PLEKHA3: variants seen among roughly 807,000 people sequenced by gnomAD.
PLEKHA3 encodes the protein pleckstrin homology domain containing A3.
In PLEKHA3, 19 loss-of-function variants were observed where a neutral mutation model predicts 39.2. The observed-to-expected ratio is 0.48, with a 90% CI of 0.34 to 0.71. The LOEUF is 0.71. Among genes scored for constraint, PLEKHA3 ranks in the 30% least tolerant of loss-of-function variants. The probability of loss-of-function intolerance (pLI) is 0.01; values close to 1 mark genes in which losing one functional copy is unlikely to be tolerated. For missense variants in PLEKHA3, 253 were observed against 359.5 expected (o/e 0.70, Z 2.40); for synonymous variants, 97 against 118.6 (o/e 0.82, Z 1.18).
chr2:178,506,887 C>G lies in PLEKHA3; in HGVS notation c.*3000C>G, dbSNP rs538515606. 4.0e-5 allele frequency: 6 copies of G among 151,838 alleles called. No homozygotes were observed. Among genetic ancestry groups the G allele is most frequent in the Admixed American group, 6.6e-5 (1 of 15,250 alleles). The allele number at this position is 151,838 out of a possible 1,614,324, so 9.4% of individuals were successfully genotyped here. A position where few individuals can be genotyped will look rare whatever the true frequency, so the allele number is the denominator to read the frequency against. ...TAGCTGGTAGGTAGGCCTTCTTGTTCATGTCTTTCTGTCTCCCCAATCCAC... is the reference window on the plus strand; with the variant it reads ...TAGCTGGTAGGTAGGCCTTCTTGTTGATGTCTTTCTGTCTCCCCAATCCAC... On this transcript the variant is annotated 3_prime_UTR_variant, in exon 8 of 8. Transcript: ENST00000234453.
At position 178,506,529 on chromosome 2, in the gene PLEKHA3, C is replaced by G. The variant is rs1430654402; in HGVS notation, c.*2642C>G. ...TAGAGTATCTTCATTTCCACAGATG[C>G]CCTAGAACCTTTGACCTTGAATTGT... On this transcript the variant is annotated 3_prime_UTR_variant, in exon 8 of 8. Coordinates refer to ENST00000234453, the MANE Select transcript of PLEKHA3 (RefSeq NM_019091.4). 6.6e-6 allele frequency: 1 copy of G among 152,116 alleles called. No homozygotes were observed. The highest frequency in any genetic ancestry group is 1.5e-5 in the Non-Finnish European group (1 of 68,008). 9.4% of individuals were successfully genotyped at this position (152,116 alleles called of 1,614,324 possible). A position where few individuals can be genotyped will look rare whatever the true frequency, so the allele number is the denominator to read the frequency against.
chr2:178,489,575 T>C lies in PLEKHA3; in HGVS notation c.158-1084T>C, dbSNP rs776677059. Among the ~76,000 whole-genome samples the C allele has an allele frequency of 1.2e-3, 182 of 149,434 alleles. 1 individual carries two copies. Among genetic ancestry groups the C allele is most frequent in the Non-Finnish European group, 1.7e-3 (115 of 67,544 alleles). ...CTCCAGCGATCCTCTTGCCTCAGCC[T>C]TCCGCCTCCCAAGTTGCTGGGTCTA... On this transcript the variant is annotated intron_variant, in intron 2 of 7. Transcript: ENST00000234453.
intron 6 of PLEKHA3, among the ~76,000 whole-genome samples, chr2:178,500,198 A>G (rs564493709): frequency 2.6e-5 from 4 of 151,946 alleles, no homozygotes; most frequent in Non-Finnish European, 5.9e-5. Flanking sequence ...ATTGGCATTT[A>G]TTTCTCTATA....
intron 4 of PLEKHA3, among the ~76,000 whole-genome samples, chr2:178,494,906 C>CT (rs143346176): frequency 0.019 from 2,268 of 122,232 alleles, 24 homozygotes; most frequent in Middle Eastern, 0.047. Flanking sequence ...AACTTCTCAT[C>CT]TTTTTTTTTT....
chr2:178,502,798 ACACACACACGCACG>A (rs1175124069), intron 7 of PLEKHA3, among the ~76,000 whole-genome samples: 2 of 146,664 alleles, frequency 1.4e-5, no homozygotes, highest in African/African-American at 5.4e-5. Context: ...AGTCTCACAC[ACACACACACGCACG>A]CACACACACA....
In PLEKHA3 at chr2:178,509,526, TGAG is replaced by T. The variant is rs1685650982; in HGVS notation, c.*5640_*5642del. On this transcript the variant is annotated 3_prime_UTR_variant, in exon 8 of 8. Transcript: ENST00000234453. ...AGGGTCTCACTCTTTCACCCAGTCT[TGAG>T]TATAGTGGAGTGATCTCAGCTCACT... is the stretch of plus-strand genomic sequence containing the variant. 2 of 151,886 alleles carry T rather than the reference TGAG, an allele frequency of 1.3e-5. No homozygotes were observed. The highest frequency in any genetic ancestry group is 4.8e-5 in the African/African-American group (2 of 41,326). The allele number at this position is 151,886 out of a possible 1,614,324, so 9.4% of individuals were successfully genotyped here.
rs1685736428 is a variant in PLEKHA3, at chr2:178,514,760, T to G, written c.*10873T>G. ...AGTGCTTTACCTTAGTCACTTTTTG[T>G]GTTTTGATCACCCTTAGTCATCACT... On this transcript the variant is annotated 3_prime_UTR_variant, in exon 8 of 8. Transcript: ENST00000234453. 1.3e-5 allele frequency: 2 copies of G among 152,088 alleles called. No individual in the cohort carries two copies. Among genetic ancestry groups the G allele is most frequent in the South Asian group, 4.1e-4 (2 of 4,828 alleles). The allele number at this position is 152,088 out of a possible 1,614,324, so 9.4% of individuals were successfully genotyped here.
At chr2:178,492,107 C>T (rs139648029) in intron 3 of PLEKHA3, among the ~76,000 whole-genome samples, 2 of 152,012 alleles carry the variant, frequency 1.3e-5, no homozygotes, top group Non-Finnish European at 2.9e-5. Context: ...TTTTTCTTTT[C>T]TATATTTTTT....
intron 7 of PLEKHA3, 42 bp from the exon 8 acceptor site, chr2:178,503,718 A>G (rs756895626): frequency 4.4e-6 from 7 of 1,599,730 alleles, no homozygotes; most frequent in Non-Finnish European, 6.0e-6. Context: ...ACTGGAGTTA[A>G]TATTGACAGG....
chr2:178,488,433 A>T (rs1226493359), intron 2 of PLEKHA3, among the ~76,000 whole-genome samples: 1 of 152,164 alleles, frequency 6.6e-6, no homozygotes, highest in Non-Finnish European at 1.5e-5. Flanking sequence ...TACCTTTTAT[A>T]TTTAGGTCTA....
Position 178,512,074 on chromosome 2 carries a change from G to A in PLEKHA3, c.*8187G>A, listed in dbSNP as rs894549088. On this transcript the variant is annotated 3_prime_UTR_variant, in exon 8 of 8. Transcript: ENST00000234453. ...AGTGCAGCCAAGATGCACAGCACCA[G>A]GATTAACTCATGAGACTGATTAGAA... 6.6e-6 allele frequency: 1 copy of A among 152,180 alleles called. No individual in the cohort carries two copies. Among genetic ancestry groups the A allele is most frequent in the Non-Finnish European group, 1.5e-5 (1 of 68,028 alleles). The allele number at this position is 152,180 out of a possible 1,614,324, so 9.4% of individuals were successfully genotyped here.
In PLEKHA3 at chr2:178,501,076, A is replaced by G. The variant is rs186460048; in HGVS notation, c.675A>G (p.Ile225Met). Residue 225 changes from isoleucine to methionine, a missense_variant, in exon 7 of 8, where the codon ATA (isoleucine) becomes ATG (methionine). Transcript: ENST00000234453. ...TAATTTGCAGGAGTAGCCACTCTAT[A>G]AAAGAACCAGTATCTACACTTCACC... Reference protein sequence around the residue: ...SCSSERSSHSIKEPVSTLHRL... With the variant: ...SCSSERSSHSMKEPVSTLHRL... 2.5e-6 allele frequency: 4 copies of G among 1,612,492 alleles called. No individual in the cohort carries two copies. In the Admixed American group the frequency reaches 6.7e-5, roughly 27 times the overall value.
rs1473532767 is a variant in PLEKHA3, at chr2:178,505,963, A to G, written c.*2076A>G. ...TCATTTTTTTTGTGGGAGTATAAAT[A>G]TATCTTGAATTATATCCAGGTTTTG... On this transcript the variant is annotated 3_prime_UTR_variant, in exon 8 of 8. Coordinates refer to ENST00000234453, the MANE Select transcript of PLEKHA3 (RefSeq NM_019091.4). The G allele has an allele frequency of 6.6e-6, 1 of 152,024 alleles. No homozygotes were observed. Among genetic ancestry groups the G allele is most frequent in the Non-Finnish European group, 1.5e-5 (1 of 67,954 alleles). The allele number at this position is 152,024 out of a possible 1,614,324, so 9.4% of individuals were successfully genotyped here. A position where few individuals can be genotyped will look rare whatever the true frequency, so the allele number is the denominator to read the frequency against.
intron 2 of PLEKHA3, chr2:178,489,112 T>C: frequency 3.0e-6 from 1 of 331,724 alleles, no homozygotes; most frequent in Non-Finnish European, 6.0e-6. Flanking sequence ...TATTGGTGCT[T>C]TCACTAGTAT....
At position 178,495,526 on chromosome 2, in the gene PLEKHA3, G is replaced by T; in HGVS notation, c.481G>T (p.Ala161Ser). Residue 161 changes from alanine to serine, a missense_variant, in exon 5 of 8, where the codon GCC (alanine) becomes TCC (serine). Around this residue, in one of 2 missense-constraint regions of PLEKHA3, gnomAD observed 126 missense variants for 222.7 expected, o/e 0.57. Transcript: ENST00000234453. ...NMNEASSLLS[A>S]TCNTFITTLE... ...GAATGAAGCCTCTTCTCTGCTTAGT[G>T]CCACGTGTAACACATTCATCACAAC... is the stretch of plus-strand genomic sequence containing the variant. 1.9e-6 allele frequency: 3 copies of T among 1,614,008 alleles called. No individual in the cohort carries two copies. The highest frequency in any genetic ancestry group is 2.5e-6 in the Non-Finnish European group (3 of 1,180,018).
At position 178,509,862 on chromosome 2, in the gene PLEKHA3, T is replaced by C. The variant is rs1369727519; in HGVS notation, c.*5975T>C. On this transcript the variant is annotated 3_prime_UTR_variant, in exon 8 of 8. Coordinates refer to ENST00000234453, the MANE Select transcript of PLEKHA3 (RefSeq NM_019091.4). ...AGAATTACTAATATATGGGAAAATCTAGTGTTTGATAATGTTGACCCTACA... is the reference window on the plus strand; with the variant it reads ...AGAATTACTAATATATGGGAAAATCCAGTGTTTGATAATGTTGACCCTACA... The C allele has an allele frequency of 6.6e-6, 1 of 152,178 alleles. No homozygotes were observed. Among genetic ancestry groups the C allele is most frequent in the African/African-American group, 2.4e-5 (1 of 41,428 alleles). 9.4% of individuals were successfully genotyped at this position (152,178 alleles called of 1,614,324 possible).
intron 1 of PLEKHA3, among the ~76,000 whole-genome samples, chr2:178,483,567 A>G (rs1051297782): frequency 6.6e-6 from 1 of 152,202 alleles, no homozygotes; most frequent in Non-Finnish European, 1.5e-5. Context: ...TTTGTTTTAA[A>G]GAGATATTGA....
chr2:178,483,340 T>TA (rs74815655), intron 1 of PLEKHA3, among the ~76,000 whole-genome samples: 1,558 of 143,542 alleles, frequency 0.011, 25 homozygotes, highest in African/African-American at 0.037. Flanking sequence ...TAAAAAGAAT[T>TA]AAAAAAAAAA....
chr2:178,485,776 T>G lies in PLEKHA3; in HGVS notation c.157+19T>G. 6.4e-7 allele frequency: 1 copy of G among 1,561,902 alleles called. No individual in the cohort carries two copies. ...ATTAAAGGTAAGTGAATATACAGAA[T>G]TAGAGGAATTGGAGGTTAGATAGTC... On this transcript the variant is annotated intron_variant, in intron 2 of 7. Transcript: ENST00000234453.
Sources: gnomAD v4.1 joint callset for allele counts (sites outside exome capture counted in the v4.1 genomes callset) on GRCh38, gnomAD v4.1.1 for gene constraint, gnomAD v4.1.1 regional missense constraint, MANE v1.5 for transcripts, NCBI Gene and HGNC (gene_info 2026-07-23, HGNC 2026-07-21) for gene names.